Variants in ARSB observed in about 807,000 individuals in gnomAD.
ARSB encodes arylsulfatase B, also known as N-acetylgalactosamine-4-sulfatase.
A neutral mutation model predicts 50.9 loss-of-function variants in ARSB; 41 were observed. The ratio of observed to expected loss-of-function variants is 0.81; its 90% CI spans 0.63 to 1.04. ARSB has a LOEUF of 1.04. Among genes scored for constraint, ARSB ranks in the 50% least tolerant of loss-of-function variants. The pLI, the probability that ARSB is intolerant of heterozygous loss-of-function variation, is 0.00. For missense variants in ARSB, 672 were observed against 693.3 expected, an observed-to-expected ratio of 0.97 and a Z score of 0.35; for synonymous variants, 269 against 284.8, an observed-to-expected ratio of 0.94 and a Z score of 0.56.
chr5:78,908,043 T>A (rs1031064182), intron 4 of ARSB, among the ~76,000 whole-genome samples: 7 of 152,190 alleles, frequency 4.6e-5, no homozygotes. Context: ...ACAGCAATAC[T>A]GTGTCTATTT....
intron 4 of ARSB, among the ~76,000 whole-genome samples, chr5:78,924,044 T>C (rs1580067941): frequency 6.6e-6 from 1 of 152,086 alleles, no homozygotes. Flanking sequence ...TAAACATGGA[T>C]ATAATATTTG....
intron 5 of ARSB, among the ~76,000 whole-genome samples, chr5:78,843,785 A>G (rs1254272841): frequency 6.6e-6 from 1 of 152,144 alleles, no homozygotes; most frequent in Non-Finnish European, 1.5e-5. Context: ...TGGACATTTC[A>G]TATAACTGGA....
At chr5:78,816,001 G>A (rs907088473) in intron 6 of ARSB, 1 of 1,558,156 alleles carries the variant, frequency 6.4e-7, no homozygotes, top group Non-Finnish European at 8.7e-7. Context: ...GCCACCCGAG[G>A]CCTTGAGGGG....
At chr5:78,923,579 A>G (rs1014868992) in intron 4 of ARSB, among the ~76,000 whole-genome samples, 1 of 152,246 alleles carries the variant, frequency 6.6e-6, no homozygotes, top group Admixed American at 6.5e-5. Flanking sequence ...TGCTTTAACT[A>G]TGGATCACAG....
chr5:78,800,413 T>A (rs943302662), intron 6 of ARSB, among the ~76,000 whole-genome samples: 9 of 151,380 alleles, frequency 5.9e-5, no homozygotes, highest in Admixed American at 4.6e-4. Context: ...CTCTCCACCA[T>A]GCATTTTACC....
At chr5:78,901,642 T>A (rs1487539067) in intron 4 of ARSB, among the ~76,000 whole-genome samples, 1 of 151,620 alleles carries the variant, frequency 6.6e-6, no homozygotes, top group Admixed American at 6.6e-5. Context: ...ATAACACACA[T>A]AAAAATTAAA....
At position 78,905,059 on chromosome 5, in the gene ARSB, T is replaced by C. The variant is rs531579657; in HGVS notation, c.899-19232A>G. Among the ~76,000 whole-genome samples the C allele has an allele frequency of 3.9e-5, 6 of 152,356 alleles. No homozygotes were observed. The East Asian group carries it at 9.6e-4, about 24-fold the overall frequency. On this transcript the variant is annotated intron_variant, in intron 4 of 7. Coordinates refer to ENST00000264914, the MANE Select transcript of ARSB (RefSeq NM_000046.5). ...CTTCTTTATCAGCTCCATTCTGCTA[T>C]TGGACCCATAGAGTTAATTTTAAAT...
chr5:78,809,389 T>C (rs1200290280), intron 6 of ARSB, among the ~76,000 whole-genome samples: 2 of 152,226 alleles, frequency 1.3e-5, no homozygotes, highest in Non-Finnish European at 2.9e-5. Flanking sequence ...GGCAGCACAT[T>C]GGTGGTGTAG....
At chr5:78,803,449 A>G (rs1191621333) in intron 6 of ARSB, among the ~76,000 whole-genome samples, 1 of 152,194 alleles carries the variant, frequency 6.6e-6, no homozygotes, top group Non-Finnish European at 1.5e-5. Context: ...CTTGATCACG[A>G]GGTAATTACT....
intron 5 of ARSB, among the ~76,000 whole-genome samples, chr5:78,871,322 G>A (rs1747160746): frequency 6.6e-6 from 1 of 152,108 alleles, no homozygotes; most frequent in Non-Finnish European, 1.5e-5. Flanking sequence ...CTACTTTCAA[G>A]TTCATATGGA....
chr5:78,905,344 GT>G (rs60622885), intron 4 of ARSB, among the ~76,000 whole-genome samples: 10,148 of 130,544 alleles, frequency 0.078, 1,235 homozygotes, highest in African/African-American at 0.26. Flanking sequence ...GTATTTTCCT[GT>G]TTTTTTTTTT....
In ARSB at chr5:78,845,498, GTGGA is replaced by G. The variant is rs1177289847; in HGVS notation, c.1143-6076_1143-6073del. ...AGACTAATTTGCATTCTCACCAGTG[GTGGA>G]TAAGAGTACCCCTTTCTCTACAACC... On this transcript the variant is annotated intron_variant, in intron 5 of 7. Coordinates refer to ENST00000264914, the MANE Select transcript of ARSB (RefSeq NM_000046.5). 2.0e-5 allele frequency among the ~76,000 whole-genome samples: 3 copies of G among 152,072 alleles called. No homozygotes were observed. In the East Asian group the frequency reaches 5.8e-4, roughly 29 times the overall value.
In ARSB at chr5:78,784,167, G is replaced by A. The variant is rs916950568; in HGVS notation, c.1214-2193C>T. Among the ~76,000 whole-genome samples the A allele has an allele frequency of 4.6e-5, 7 of 152,286 alleles. No homozygotes were observed. The South Asian group carries it at 1.2e-3, about 27-fold the overall frequency. On this transcript the variant is annotated intron_variant, in intron 6 of 7. Coordinates refer to ENST00000264914, the MANE Select transcript of ARSB (RefSeq NM_000046.5). ...AATGCAGAATACATATGTGCCAAGG[G>A]ATAATATATAGCACTGTTTTATGCT...
intron 4 of ARSB, among the ~76,000 whole-genome samples, chr5:78,894,748 G>A (rs1748486027): frequency 6.6e-6 from 1 of 152,188 alleles, no homozygotes; most frequent in South Asian, 2.1e-4. Context: ...AACCTCTTCG[G>A]ATCTGCAGAT....
intron 5 of ARSB, among the ~76,000 whole-genome samples, chr5:78,859,110 G>A (rs79538330): frequency 0.14 from 20,781 of 152,110 alleles, 1,487 homozygotes; most frequent in Middle Eastern, 0.19. Context: ...GTGTGTGTAT[G>A]GGGGGCAGGT....
chr5:78,819,508 T>C (rs1025843409), intron 6 of ARSB, among the ~76,000 whole-genome samples: 10 of 152,212 alleles, frequency 6.6e-5, no homozygotes, highest in African/African-American at 2.2e-4. Context: ...TTCTGAATCA[T>C]GAAGGAAAAA....
At chr5:78,859,690 A>T (rs950522902) in intron 5 of ARSB, among the ~76,000 whole-genome samples, 1 of 152,110 alleles carries the variant, frequency 6.6e-6, no homozygotes, top group African/African-American at 2.4e-5. Flanking sequence ...CCATCGAATG[A>T]TGGGACTCAG....
At chr5:78,851,216 TAC>T in intron 5 of ARSB, among the ~76,000 whole-genome samples, 1 of 152,352 alleles carries the variant, frequency 6.6e-6, no homozygotes, top group Non-Finnish European at 1.5e-5. Flanking sequence ...AATTTCCCAC[TAC>T]ACACTGCTTT....
intron 5 of ARSB, among the ~76,000 whole-genome samples, chr5:78,846,210 C>A (rs188320620): frequency 2.0e-5 from 3 of 152,198 alleles, no homozygotes; most frequent in Admixed American, 2.0e-4. Context: ...GAATTTATTT[C>A]TAGGTTCTCT....
Sources: gnomAD v4.1 joint callset for allele counts (sites outside exome capture counted in the v4.1 genomes callset) on GRCh38, gnomAD v4.1.1 for gene constraint, MANE v1.5 for transcripts, NCBI Gene and HGNC (gene_info 2026-07-23, HGNC 2026-07-21) for gene names.